CAD: variants seen among roughly 807,000 people sequenced by gnomAD.
CAD encodes carbamoyl-phosphate synthetase 2, aspartate transcarbamylase, and dihydroorotase.
Under a neutral mutation model 237.2 loss-of-function variants are expected in CAD, and 81 were observed. The ratio of observed to expected loss-of-function variants is 0.34; its 90% CI spans 0.29 to 0.41. The LOEUF (loss-of-function observed/expected upper bound fraction) is 0.41. Among genes scored for constraint, CAD ranks in the 10% least tolerant of loss-of-function variants. The probability of loss-of-function intolerance (pLI) is 1.00; values close to 1 mark genes in which losing one functional copy is unlikely to be tolerated. For missense variants in CAD, 2,181 were observed against 2,951.7 expected, an observed-to-expected ratio of 0.74 and a Z score of 6.05; for synonymous variants, 1,196 against 1,162.8, an observed-to-expected ratio of 1.03 and a Z score of -0.58.
At chr2:27,234,788 C>A in intron 23 of CAD, 103 bp downstream of exon 23, 2 of 1,120,222 alleles carry the variant, frequency 1.8e-6, no homozygotes, top group Non-Finnish European at 2.6e-6. Context: ...GACTGCAAGG[C>A]ATTGCCGGAT....
chr2:27,228,665 C>T (rs753770762), intron 15 of CAD, among the ~76,000 whole-genome samples: 1 of 151,636 alleles, frequency 6.6e-6, no homozygotes, highest in Admixed American at 6.6e-5. Flanking sequence ...GATCTCGGCT[C>T]ACCACAATCT....
intron 2 of CAD, among the ~76,000 whole-genome samples, chr2:27,218,929 A>G (rs1342699911): frequency 1.3e-5 from 2 of 152,352 alleles, no homozygotes; most frequent in Non-Finnish European, 2.9e-5. Context: ...AAGGACGTAC[A>G]TGTTGTTCTT....
chr2:27,238,198 AC>A lies in CAD; in HGVS notation c.4860+13del, dbSNP rs1402364976. On this transcript the variant is annotated intron_variant, in intron 30 of 43. Transcript: ENST00000264705. ...GCACGGAAGGAGGAGGTAAGAGTACACCTGAGATCCTGCTGTCCCTGTTGCT... is the reference window on the plus strand; with the variant it reads ...GCACGGAAGGAGGAGGTAAGAGTACACTGAGATCCTGCTGTCCCTGTTGCT... 9.9e-6 allele frequency: 16 copies of A among 1,613,468 alleles called. No individual in the cohort carries two copies. Among genetic ancestry groups the A allele is most frequent in the Non-Finnish European group, 1.4e-5 (16 of 1,179,812 alleles).
chr2:27,243,751 T>C lies in CAD; in HGVS notation c.*233T>C. 4 of 544,826 alleles carry C rather than the reference T, an allele frequency of 7.3e-6. No individual in the cohort carries two copies. The highest frequency in any genetic ancestry group is 9.8e-6 in the Non-Finnish European group (3 of 306,816). 33.7% of individuals were successfully genotyped at this position (544,826 alleles called of 1,614,324 possible). Reference sequence around the variant, plus strand: ...CACCTTAAACCTGTACAGTCATTTTTCTACTGACTTAATAAACAGCCGAGC... The same window carrying C: ...CACCTTAAACCTGTACAGTCATTTTCCTACTGACTTAATAAACAGCCGAGC... On this transcript the variant is annotated 3_prime_UTR_variant, in exon 44 of 44. Coordinates refer to ENST00000264705, the MANE Select transcript of CAD (RefSeq NM_004341.5).
chr2:27,231,606 T>A (rs1281860639), intron 16 of CAD, 26 bp downstream of exon 16: 6 of 1,403,658 alleles, frequency 4.3e-6, no homozygotes, highest in African/African-American at 2.8e-5. Flanking sequence ...CCCCTGGCAA[T>A]ACCCCTAAAA....
At position 27,237,882 on chromosome 2, in the gene CAD, G is replaced by A; in HGVS notation, c.4728G>A (p.Glu1576=). 13 of 1,604,366 alleles carry A rather than the reference G, an allele frequency of 8.1e-6. No homozygotes were observed. The highest frequency in any genetic ancestry group is 1.1e-5 in the Non-Finnish European group (13 of 1,173,678). ...LRLDSVVQWM[E]HFETWPSHLP... Reference sequence around the variant, plus strand: ...TGGACAGCGTGGTCCAGTGGATGGAGGTAGGGAGTGTGCATGTGGCAGGAG... The same window carrying A: ...TGGACAGCGTGGTCCAGTGGATGGAAGTAGGGAGTGTGCATGTGGCAGGAG... The change falls in exon 29 of 44, where the codon GAG becomes GAA. Residue 1576 remains glutamate, a splice_region_variant and synonymous_variant. Transcript: ENST00000264705. This position sits in a 1 kb window ranked among gnomAD's most constrained non-coding sequence, Gnocchi z 4.0.
At position 27,239,710 on chromosome 2, in the gene CAD, C is replaced by T. The variant is rs199692135; in HGVS notation, c.5408C>T (p.Pro1803Leu). ...TTCTGCCTGCAGGTTCTGGTACCCC[C>T]GGGCTATGGACAGGATGTACGGAAG... ...AYIDGQVLVP[P>L]GYGQDVRKWP... The change falls in exon 34 of 44, where the codon CCG becomes CTG. Residue 1803 changes from proline (P) to leucine (L), a missense_variant. Physicochemically the swap from Pro to Leu is moderately conservative, Grantham distance 98. Transcript: ENST00000264705. This position sits in a 1 kb window ranked among gnomAD's most constrained non-coding sequence, Gnocchi z 4.0. 3.0e-5 allele frequency: 48 copies of T among 1,588,628 alleles called. No individual in the cohort carries two copies. The East Asian group carries it at 7.8e-4, about 26-fold the overall frequency.
chr2:27,228,490 C>T (rs1050953011), intron 15 of CAD, among the ~76,000 whole-genome samples: 12 of 152,192 alleles, frequency 7.9e-5, no homozygotes, highest in Non-Finnish European at 1.6e-4. Flanking sequence ...TTGGAAAGCT[C>T]AGGTGGGAGG....
intron 12 of CAD, 44 bp from the exon 13 acceptor site, chr2:27,226,087 C>G: frequency 1.3e-6 from 2 of 1,589,260 alleles, no homozygotes; most frequent in Non-Finnish European, 1.7e-6. Context: ...TCTGCCTCTC[C>G]TGACTCTGCT....
rs267599313 is a variant in CAD, at chr2:27,222,924, C to T, written c.696C>T (p.Val232=). 4.7e-4 allele frequency: 752 copies of T among 1,613,868 alleles called. 3 individuals are homozygous for T. Among genetic ancestry groups the T allele is most frequent in the Non-Finnish European group, 5.5e-4 (647 of 1,179,872 alleles). Residue 232 remains valine, a synonymous_variant, in exon 6 of 44, where the codon GTC becomes GTT. Transcript: ENST00000264705. Reference sequence around the variant, plus strand: ...GTGACCCTGCCTCCTATCCCAGTGTCGTATCCACACTGAGCCGTGTTTTAT... The same window carrying T: ...GTGACCCTGCCTCCTATCCCAGTGTTGTATCCACACTGAGCCGTGTTTTAT... The part of the protein sequence containing the change: ...GPGDPASYPS[V]VSTLSRVLSE...
chr2:27,222,643 A>G lies in CAD; in HGVS notation c.620A>G (p.His207Arg), dbSNP rs1268522931. 1.9e-6 allele frequency: 3 copies of G among 1,613,810 alleles called. No individual in the cohort carries two copies. Among genetic ancestry groups the G allele is most frequent in the African/African-American group, 1.3e-5 (1 of 74,910 alleles). Residue 207 changes from histidine to arginine, a missense_variant, in exon 5 of 44, where the codon CAT (histidine) becomes CGT (arginine). By Grantham distance (29) the His-to-Arg change is conservative. Coordinates refer to ENST00000264705, the MANE Select transcript of CAD (RefSeq NM_004341.5). ...GAGGTCACTGTGGTACCCTGGGACC[A>G]TGCACTAGACAGCCAAGGTGAGTAG... ...GAEVTVVPWD[H>R]ALDSQEYEGL...
chr2:27,238,853 A>G (rs1225019775), intron 31 of CAD, among the ~76,000 whole-genome samples, 189 bp from the exon 32 acceptor site: 4 of 152,214 alleles, frequency 2.6e-5, no homozygotes, highest in Admixed American at 6.5e-5. Context: ...GAAAGAATAC[A>G]TGGGTAAAAG....
chr2:27,239,000 G>A (rs1258666251), intron 31 of CAD, 42 bp from the exon 32 acceptor site: 1 of 1,507,552 alleles, frequency 6.6e-7, no homozygotes, highest in Non-Finnish European at 8.9e-7. Flanking sequence ...TCCTAGACAT[G>A]GAGGTGATTG....
At chr2:27,231,694 C>A in intron 16 of CAD, 114 bp downstream of exon 16, 2 of 723,218 alleles carry the variant, frequency 2.8e-6, no homozygotes, top group Non-Finnish European at 4.7e-6. Flanking sequence ...TGGACATTTG[C>A]TTTGTTTCCA....
Position 27,233,004 on chromosome 2 carries a change from C to T in CAD, c.2893-38C>T. The stretch of plus-strand genomic sequence containing the variant: ...ACGATTTTCTCCACGATTTTCCTCC[C>T]ACCTGACTGCTAAGTACCCTTCCCC... On this transcript the variant is annotated intron_variant, in intron 18 of 43. Transcript: ENST00000264705. The surrounding 1 kb of genome is among the most constrained non-coding windows in gnomAD (Gnocchi z 6.3). The T allele has an allele frequency of 7.4e-7, 1 of 1,348,438 alleles. No homozygotes were observed. Among genetic ancestry groups the T allele is most frequent in the Middle Eastern group, 1.8e-4 (1 of 5,556 alleles). The allele number at this position is 1,348,438 out of a possible 1,614,324, so 83.5% of individuals were successfully genotyped here.
rs369864220 is a variant in CAD at position 27,224,741 on chromosome 2, T to G, written c.1255-4T>G. On this transcript the variant is annotated splice_region_variant and splice_polypyrimidine_tract_variant and intron_variant, in intron 9 of 43. Transcript: ENST00000264705. ...AGGCTGAGATGCCATTCTTGTCCTTTTAGGCAATTAAGGCCCTGAAGGAGG... is the reference window on the plus strand; with the variant it reads ...AGGCTGAGATGCCATTCTTGTCCTTGTAGGCAATTAAGGCCCTGAAGGAGG... The G allele has an allele frequency of 5.6e-6, 9 of 1,614,116 alleles. No individual in the cohort carries two copies. The highest frequency in any genetic ancestry group is 3.3e-4 in the Middle Eastern group (2 of 6,082).
intron 16 of CAD, 152 bp from the exon 17 acceptor site, chr2:27,231,828 G>A (rs1675773079): frequency 2.3e-6 from 2 of 854,130 alleles, no homozygotes; most frequent in African/African-American, 1.7e-5. Flanking sequence ...GCCAATGAGA[G>A]GTAGACCCAG....
At chr2:27,231,873 G>T in intron 16 of CAD, 107 bp from the exon 17 acceptor site, 2 of 1,365,314 alleles carry the variant, frequency 1.5e-6, no homozygotes. Flanking sequence ...TACACAGCCT[G>T]TGCTCTGGTG....
rs934023808 is a variant in CAD, at chr2:27,232,052, C to A, written c.2473C>A (p.Arg825Ser). ...TTTGTGGGCTGGTTATTCAGTGGAC[C>A]GCCTGTATGAGCTCACACGCATCGA... Reference protein sequence around the residue: ...AALWAGYSVDRLYELTRIDRW... With the variant: ...AALWAGYSVDSLYELTRIDRW... Residue 825 changes from arginine (R) to serine (S), a missense_variant, in exon 17 of 44, where the codon CGC becomes AGC. Physicochemically the swap from Arg to Ser is moderately radical, Grantham distance 110. Transcript: ENST00000264705. The surrounding 1 kb of genome is among the most constrained non-coding windows in gnomAD (Gnocchi z 4.1). 5 of 1,614,180 alleles carry A rather than the reference C, an allele frequency of 3.1e-6. No individual in the cohort carries two copies. The highest frequency in any genetic ancestry group is 4.2e-6 in the Non-Finnish European group (5 of 1,180,018).
Sources: gnomAD v4.1 joint callset for allele counts (sites outside exome capture counted in the v4.1 genomes callset) on GRCh38, gnomAD v4.1.1 for gene constraint, Gnocchi (gnomAD v3.1) non-coding constraint, MANE v1.5 for transcripts, NCBI Gene and HGNC (gene_info 2026-07-23, HGNC 2026-07-21) for gene names.